The following KDM2A variants were observed in gnomAD, a reference collection of about 807,000 sequenced individuals.
The protein encoded by KDM2A is lysine demethylase 2A.
A neutral mutation model predicts 137.3 loss-of-function variants in KDM2A; 3 were observed. The ratio of observed to expected loss-of-function variants is 0.02; its 90% CI spans 0.01 to 0.06. The LOEUF is 0.06. Among genes scored for constraint, KDM2A ranks in the 10% least tolerant of loss-of-function variants. The pLI, the probability that KDM2A is intolerant of heterozygous loss-of-function variation, is 1.00. For synonymous variants in KDM2A, 512 were observed against 541.5 expected (o/e 0.95, Z 0.76); for missense variants, 738 against 1,510.6 (o/e 0.49, Z 8.48).
intron 2 of KDM2A, among the ~76,000 whole-genome samples, chr11:67,157,281 C>G (rs1449953769): frequency 1.4e-5 from 2 of 147,030 alleles, no homozygotes; most frequent in East Asian, 2.0e-4. Context: ...CCACTGCACT[C>G]CATCCAGCCT....
At chr11:67,165,394 T>C (rs1856716990) in intron 2 of KDM2A, among the ~76,000 whole-genome samples, 1 of 152,146 alleles carries the variant, frequency 6.6e-6, no homozygotes, top group South Asian at 2.1e-4. Context: ...AGTGCTGGGA[T>C]TACAGGTGTG....
At chr11:67,240,486 T>G in intron 12 of KDM2A, 2 of 786,262 alleles carry the variant, frequency 2.5e-6, no homozygotes, top group Non-Finnish European at 3.9e-6. Context: ...GACAATGCTA[T>G]GTTACTTCGT....
chr11:67,139,275 C>T (rs1327360666), intron 2 of KDM2A, among the ~76,000 whole-genome samples: 2 of 151,410 alleles, frequency 1.3e-5, no homozygotes, highest in African/African-American at 4.9e-5. Context: ...GACGGAGTCT[C>T]GCTTTGTCCC....
intron 5 of KDM2A, among the ~76,000 whole-genome samples, chr11:67,187,696 C>T (rs1461152000): frequency 6.6e-6 from 1 of 152,052 alleles, no homozygotes; most frequent in East Asian, 1.9e-4. Context: ...GCCTCAGCCT[C>T]CCAAGTAGCT....
chr11:67,235,677 A>G lies in KDM2A; in HGVS notation c.1479+3717A>G, dbSNP rs11227747. 7.8e-3 allele frequency among the ~76,000 whole-genome samples: 1,188 copies of G among 151,830 alleles called. 9 individuals carry two copies. Among genetic ancestry groups the G allele is most frequent in the Middle Eastern group, 0.017 (5 of 294 alleles). On this transcript the variant is annotated intron_variant, in intron 12 of 20. Coordinates refer to ENST00000529006, the MANE Select transcript of KDM2A (RefSeq NM_012308.3). ...TGCTCTGTCACCTAGGCTGGGGTGC[A>G]GTGGCGCCATCTCGGCTCACTGCAG...
At chr11:67,128,005 C>T (rs969396810) in intron 2 of KDM2A, among the ~76,000 whole-genome samples, 6 of 142,958 alleles carry the variant, frequency 4.2e-5, no homozygotes, top group Non-Finnish European at 9.2e-5. Context: ...CCAGCACACC[C>T]GGCCTTTTTT....
At chr11:67,219,241 C>T (rs191496647) in intron 9 of KDM2A, 47 bp from the exon 10 acceptor site, 3 of 904,824 alleles carry the variant, frequency 3.3e-6, no homozygotes, top group Non-Finnish European at 3.4e-6. Context: ...GAGAGACTTA[C>T]TGTAATGTGT....
chr11:67,211,976 A>T (rs1481213592), intron 6 of KDM2A, among the ~76,000 whole-genome samples: 1 of 152,170 alleles, frequency 6.6e-6, no homozygotes, highest in Non-Finnish European at 1.5e-5. Flanking sequence ...GCATTTATAT[A>T]AACTATAGTA....
rs570270556 is a variant in KDM2A, at chr11:67,194,798, C to T, written c.308-12712C>T. Among the ~76,000 whole-genome samples the T allele has an allele frequency of 7.2e-5, 11 of 152,302 alleles. No individual in the cohort carries two copies. In the South Asian group the frequency reaches 2.3e-3, roughly 32 times the overall value. The stretch of plus-strand genomic sequence containing the variant: ...TGGCTTCTGTACTCCTACTTTGATT[C>T]ACCTGCTGTTGCAGCAGGGTTTTAG... On this transcript the variant is annotated intron_variant, in intron 5 of 20. Transcript: ENST00000529006.
At chr11:67,160,329 G>A (rs891001870) in intron 2 of KDM2A, among the ~76,000 whole-genome samples, 1 of 152,112 alleles carries the variant, frequency 6.6e-6, no homozygotes, top group Admixed American at 6.6e-5. Context: ...TGCCTTTGCC[G>A]GTTTAGGAAG....
intron 12 of KDM2A, among the ~76,000 whole-genome samples, chr11:67,234,917 C>T (rs935137726): frequency 6.6e-6 from 1 of 151,780 alleles, no homozygotes; most frequent in Non-Finnish European, 1.5e-5. Context: ...GAAGCTGAGG[C>T]GGGCGGATCA....
chr11:67,132,738 G>A (rs1293439234), intron 2 of KDM2A, among the ~76,000 whole-genome samples: 2 of 152,196 alleles, frequency 1.3e-5, no homozygotes, highest in Admixed American at 1.3e-4. Context: ...GGTTTTCAAA[G>A]TGTAGGTCTC....
intron 5 of KDM2A, chr11:67,197,219 G>A (rs528702449): frequency 5.3e-4 from 80 of 151,108 alleles, no homozygotes; most frequent in African/African-American, 1.8e-3. Flanking sequence ...TGTCACCCAG[G>A]CTGGAGTGCA....
At chr11:67,177,156 C>T (rs527853825) in intron 2 of KDM2A, among the ~76,000 whole-genome samples, 1 of 152,040 alleles carries the variant, frequency 6.6e-6, no homozygotes, top group African/African-American at 2.4e-5. Flanking sequence ...ATCCCAGCTA[C>T]TCGGGAGGCT....
At chr11:67,177,217 G>C (rs1468449013) in intron 2 of KDM2A, among the ~76,000 whole-genome samples, 1 of 152,072 alleles carries the variant, frequency 6.6e-6, no homozygotes, top group East Asian at 1.9e-4. Flanking sequence ...AGAGAGCCGA[G>C]ATCACTCCAT....
At chr11:67,148,106 G>A (rs991321385) in intron 2 of KDM2A, among the ~76,000 whole-genome samples, 1 of 152,048 alleles carries the variant, frequency 6.6e-6, no homozygotes, top group Non-Finnish European at 1.5e-5. Flanking sequence ...ACAAGCATTT[G>A]TTACTTTTGC....
At chr11:67,121,106 C>T in intron 1 of KDM2A, 128 bp from the exon 2 acceptor site, 1 of 566,612 alleles carries the variant, frequency 1.8e-6, no homozygotes, top group South Asian at 2.3e-5. Flanking sequence ...AGAAAGGTCC[C>T]AAACTCATGA....
chr11:67,188,638 A>C, intron 5 of KDM2A, among the ~76,000 whole-genome samples: 1 of 151,898 alleles, frequency 6.6e-6, no homozygotes, highest in Non-Finnish European at 1.5e-5. Flanking sequence ...CAAAAAAATA[A>C]AAATAATCCA....
intron 17 of KDM2A, among the ~76,000 whole-genome samples, chr11:67,251,846 T>C (rs894609442): frequency 1.3e-5 from 2 of 152,190 alleles, no homozygotes; most frequent in Admixed American, 1.3e-4. Flanking sequence ...TGAATTAATG[T>C]ATAGTGTATC....
Sources: allele counts gnomAD v4.1 joint callset (sites outside exome capture counted in the v4.1 genomes callset), GRCh38; gene constraint gnomAD v4.1.1; transcripts MANE v1.5; gene names NCBI Gene and HGNC (gene_info 2026-07-23, HGNC 2026-07-21).